TRIOBP: variants seen among roughly 807,000 people sequenced by gnomAD.
The protein encoded by TRIOBP is TRIO and F-actin binding protein, also known as TRIO and F-actin-binding protein.
A neutral mutation model predicts 238.8 loss-of-function variants in TRIOBP; 169 were observed. The ratio of observed to expected loss-of-function variants is 0.71; its 90% CI spans 0.62 to 0.80. TRIOBP has a LOEUF of 0.80. Among genes scored for constraint, TRIOBP ranks in the 30% least tolerant of loss-of-function variants. The pLI is 0.00. For synonymous variants in TRIOBP, 1,150 were observed against 1,274.4 expected (o/e 0.90, Z 2.08); for missense variants, 2,838 against 3,122.6 (o/e 0.91, Z 2.17).
At chr22:37,765,222 G>A (rs973263337) in intron 17 of TRIOBP, among the ~76,000 whole-genome samples, 2 of 152,224 alleles carry the variant, frequency 1.3e-5, no homozygotes, top group African/African-American at 4.8e-5. Flanking sequence ...GGAGGTTGCA[G>A]TGAGCTGAGA....
Position 37,734,709 on chromosome 22 carries a change from G to A in TRIOBP, c.4373G>A (p.Gly1458Asp). Residue 1458 changes from glycine (G) to aspartate (D), a missense_variant, in exon 9 of 24, where the codon GGC becomes GAC. Around this residue, in one of 5 missense-constraint regions of TRIOBP, gnomAD observed 2,096 missense variants for 2,137.4 expected, o/e 0.98. Transcript: ENST00000644935. The stretch of plus-strand genomic sequence containing the variant: ...CAGGAGGGAGGCCTGGGCCCTGGGG[G>A]CTGGTGGGGATGTGGAGAGCCCAGC... ...SSQEGGLGPG[G>D]WWGCGEPSLG... 6.2e-7 allele frequency: 1 copy of A among 1,608,216 alleles called. No homozygotes were observed. Among genetic ancestry groups the A allele is most frequent in the Non-Finnish European group, 8.5e-7 (1 of 1,177,832 alleles).
At chr22:37,733,928 A>G (rs1244182437) in intron 8 of TRIOBP, among the ~76,000 whole-genome samples, 2 of 152,176 alleles carry the variant, frequency 1.3e-5, no homozygotes, top group East Asian at 1.9e-4. Flanking sequence ...TGGCCTCCCA[A>G]GGTGCTGGGA....
rs185419744 is a variant in TRIOBP, at chr22:37,774,501, T to C, written c.*721T>C. On this transcript the variant is annotated 3_prime_UTR_variant, in exon 24 of 24. Transcript: ENST00000644935. ...TGAACCTCTTAACTTAATAAAACGT[T>C]CCAGCAGCTCTGGTGTCCTAGATGG... 6.6e-5 allele frequency: 10 copies of C among 152,330 alleles called. No individual in the cohort carries two copies. Among genetic ancestry groups the C allele is most frequent in the African/African-American group, 2.4e-4 (10 of 41,562 alleles). The allele number at this position is 152,330 out of a possible 1,614,324, so 9.4% of individuals were successfully genotyped here.
At chr22:37,758,792 T>C (rs1050168895) in intron 16 of TRIOBP, among the ~76,000 whole-genome samples, 46 of 152,106 alleles carry the variant, frequency 3.0e-4, no homozygotes, top group Non-Finnish European at 4.6e-4. Flanking sequence ...CCTCTACCCC[T>C]AGGGTGGACT....
At chr22:37,734,327 C>A in intron 8 of TRIOBP, 72 bp from the exon 9 acceptor site, 2 of 1,389,320 alleles carry the variant, frequency 1.4e-6, no homozygotes, top group Non-Finnish European at 2.0e-6. Context: ...TCTCTGGGGG[C>A]CTAAGAAAGG....
At chr22:37,723,154 C>T in intron 6 of TRIOBP, 31 bp from the exon 7 acceptor site, 4 of 1,612,380 alleles carry the variant, frequency 2.5e-6, no homozygotes, top group Non-Finnish European at 8.5e-7. Context: ...GACCTCTCCC[C>T]TTACCTTGAG....
intron 3 of TRIOBP, among the ~76,000 whole-genome samples, chr22:37,707,621 A>G (rs1335522745): frequency 6.6e-6 from 1 of 151,642 alleles, no homozygotes; most frequent in African/African-American, 2.4e-5. Context: ...GATTTCTAAC[A>G]TGGAGTCAAA....
rs1924565795 is a variant in TRIOBP at position 37,734,503 on chromosome 22, C to T, written c.4167C>T (p.Leu1389=). 1.9e-6 allele frequency: 3 copies of T among 1,608,906 alleles called. No homozygotes were observed. The highest frequency in any genetic ancestry group is 2.5e-6 in the Non-Finnish European group (3 of 1,178,278). Residue 1389 remains leucine (L), a synonymous_variant, in exon 9 of 24, where the codon CTC becomes CTT. Transcript: ENST00000644935. ...AGAGACCTGAGGGAGATCGGCAGCT[C>T]CAGGGGTCCCCGCTGCCCCCCAGGA... ...PEKRPEGDRQ[L]QGSPLPPRTS...
Position 37,733,150 on chromosome 22 carries a change from T to C in TRIOBP, c.3948-148T>C, listed in dbSNP as rs1924504683. The C allele has an allele frequency of 1.5e-5, 10 of 683,290 alleles. No individual in the cohort carries two copies. In the East Asian group the frequency reaches 2.7e-4, roughly 19 times the overall value. 42.3% of individuals were successfully genotyped at this position (683,290 alleles called of 1,614,324 possible). The stretch of plus-strand genomic sequence containing the variant: ...TTTTCAGAAGGGGAAACTAAGGCCC[T>C]GAGAGTCATCCTCACTTAGGGCCCT... On this transcript the variant is annotated intron_variant, in intron 7 of 23. Transcript: ENST00000644935.
At position 37,725,917 on chromosome 22, in the gene TRIOBP, C is replaced by T. The variant is rs200686409; in HGVS notation, c.3361C>T (p.Arg1121Trp). Residue 1121 changes from arginine to tryptophan, a missense_variant, in exon 7 of 24, where the codon CGG becomes TGG. Arg to Trp is a moderately radical substitution (Grantham distance 101). This residue lies in a region of TRIOBP where 2,096 missense variants were observed against 2,137.4 expected (regional missense o/e 0.98). Coordinates refer to ENST00000644935, the MANE Select transcript of TRIOBP (RefSeq NM_001039141.3). ...PVCIGYRDAP[R>W]ASSPPRQAPE... ...GTGTATTGGGTACCGAGATGCACCC[C>T]GGGCCTCCTCCCCACCACGCCAGGC... 40 of 1,613,602 alleles carry T rather than the reference C, an allele frequency of 2.5e-5. No individual in the cohort carries two copies. Among genetic ancestry groups the T allele is most frequent in the Middle Eastern group, 1.6e-4 (1 of 6,084 alleles).
At chr22:37,756,598 A>T (rs1203951452) in intron 15 of TRIOBP, among the ~76,000 whole-genome samples, 1 of 152,186 alleles carries the variant, frequency 6.6e-6, no homozygotes, top group African/African-American at 2.4e-5. Context: ...CAGTAACTTC[A>T]TCGAGATAGA....
chr22:37,768,022 G>C, intron 18 of TRIOBP, 52 bp from the exon 19 acceptor site: 1 of 1,465,362 alleles, frequency 6.8e-7, no homozygotes, highest in Non-Finnish European at 9.4e-7. Flanking sequence ...GTGGCACTTG[G>C]TGCTGCTGAC....
At chr22:37,726,673 G>A (rs1380014842) in intron 7 of TRIOBP, 170 bp downstream of exon 7, 1 of 702,832 alleles carries the variant, frequency 1.4e-6, no homozygotes, top group Admixed American at 3.6e-5. Flanking sequence ...CATATTGGGA[G>A]TTTTCTGTTT....
At chr22:37,763,860 C>G (rs1951852981) in intron 17 of TRIOBP, among the ~76,000 whole-genome samples, 1 of 152,218 alleles carries the variant, frequency 6.6e-6, no homozygotes, top group Non-Finnish European at 1.5e-5. Flanking sequence ...GCGCTGCAGC[C>G]AAGGCGTGGG....
rs562872472 is a variant in TRIOBP, at chr22:37,722,268, A to G, written c.629-917A>G. ...GCTCATTAGAACCTGTCTCTACTAA[A>G]AACACAAAAATGAGCTGGGCATAGT... On this transcript the variant is annotated intron_variant, in intron 6 of 23. Transcript: ENST00000644935. Among the ~76,000 whole-genome samples the G allele has an allele frequency of 2.0e-5, 3 of 152,242 alleles. No homozygotes were observed. In the East Asian group the frequency reaches 5.8e-4, roughly 29 times the overall value.
Position 37,724,871 on chromosome 22 carries a change from G to A in TRIOBP, c.2315G>A (p.Cys772Tyr). 6.2e-7 allele frequency: 1 copy of A among 1,606,244 alleles called. No homozygotes were observed. Among genetic ancestry groups the A allele is most frequent in the Non-Finnish European group, 8.5e-7 (1 of 1,178,800 alleles). The change falls in exon 7 of 24, where the codon TGT becomes TAT. Residue 772 changes from cysteine to tyrosine, a missense_variant. Physicochemically the swap from Cys to Tyr is radical, Grantham distance 194. Around this residue, in one of 5 missense-constraint regions of TRIOBP, gnomAD observed 2,096 missense variants for 2,137.4 expected, o/e 0.98. Transcript: ENST00000644935. ...CAACAAGAGAACCTCAGAACATCCT[G>A]TACCCGACAGGACAATCCCAGGACC... Reference protein sequence around the residue: ...TIQQENLRTSCTRQDNPRTSS... With the variant: ...TIQQENLRTSYTRQDNPRTSS...
At chr22:37,703,920 TG>T (rs1221906156) in intron 3 of TRIOBP, among the ~76,000 whole-genome samples, 1 of 152,144 alleles carries the variant, frequency 6.6e-6, no homozygotes, top group Non-Finnish European at 1.5e-5. Flanking sequence ...TTCCAGTGGT[TG>T]GGAAGATGGC....
rs1332021188 is a variant in TRIOBP at position 37,723,319 on chromosome 22, A to G, written c.763A>G (p.Thr255Ala). The part of the protein sequence containing the change: ...SMTPHSGPRS[T>A]TSQASPAQRD... ...GACACCACACAGTGGACCTCGAAGC[A>G]CCACGTCTCAGGCTTCTCCTGCCCA... The change falls in exon 7 of 24, where the codon ACC becomes GCC. Residue 255 changes from threonine to alanine, a missense_variant. By Grantham distance (58) the Thr-to-Ala change is moderately conservative (BLOSUM62 0). Transcript: ENST00000644935. 3.1e-6 allele frequency: 5 copies of G among 1,613,952 alleles called. No individual in the cohort carries two copies. The Admixed American group carries it at 6.7e-5, about 22-fold the overall frequency.
At chr22:37,715,978 G>T in intron 6 of TRIOBP, 44 bp downstream of exon 6, 1 of 1,608,180 alleles carries the variant, frequency 6.2e-7, no homozygotes, top group East Asian at 2.2e-5. Context: ...ATGGCCTGGG[G>T]CCCCCCAGAT....
Sources: gnomAD v4.1 joint callset for allele counts (sites outside exome capture counted in the v4.1 genomes callset) on GRCh38, gnomAD v4.1.1 for gene constraint, gnomAD v4.1.1 regional missense constraint, MANE v1.5 for transcripts, NCBI Gene and HGNC (gene_info 2026-07-23, HGNC 2026-07-21) for gene names.